Variants in PIGZ observed in about 807,000 individuals in gnomAD.
PIGZ encodes GPI alpha-1,2-mannosyltransferase 4.
PIGZ carries 16 observed loss-of-function variants against 16.4 expected under a neutral mutation model. The observed-to-expected ratio is 0.97, with a 90% CI of 0.66 to 1.48. PIGZ has a LOEUF of 1.48. PIGZ is among the 40% of genes most tolerant of loss of function. The pLI is 0.00. For synonymous variants in PIGZ, 409 were observed against 338.4 expected (o/e 1.21, Z -2.29); for missense variants, 770 against 739.2 (o/e 1.04, Z -0.48).
rs550336627 is a variant in PIGZ at position 196,946,971 on chromosome 3, CAGGG to C, written c.*182_*185del. ...GACCGACAGGTCAAATCTTTGGTCT[CAGGG>C]AGAAGAGTGCCAGCTCACCCAGAAG... On this transcript the variant is annotated 3_prime_UTR_variant, in exon 3 of 3. Coordinates refer to ENST00000412723, the MANE Select transcript of PIGZ (RefSeq NM_025163.4). The C allele has an allele frequency of 1.1e-3, 606 of 542,706 alleles. No individual in the cohort carries two copies. The highest frequency in any genetic ancestry group is 1.6e-3 in the Non-Finnish European group (497 of 314,406). 33.6% of individuals were successfully genotyped at this position (542,706 alleles called of 1,614,324 possible). A position where few individuals can be genotyped will look rare whatever the true frequency, so the allele number is the denominator to read the frequency against.
rs746769876 is a variant in PIGZ at position 196,947,918 on chromosome 3, C to T, written c.979G>A (p.Gly327Arg). 4.5e-5 allele frequency: 73 copies of T among 1,613,858 alleles called. No individual in the cohort carries two copies. The Middle Eastern group carries it at 6.6e-4, about 15-fold the overall frequency. Residue 327 changes from glycine to arginine, a missense_variant, in exon 3 of 3, where the codon GGG (glycine) becomes AGG (arginine). Physicochemically the swap from Gly to Arg is moderately radical, Grantham distance 125. Transcript: ENST00000412723. ...HLAVNGFLLF[G>R]VLHAQALQAA... ...TGCAGGGCCTGGGCATGCAGCACCC[C>T]GAAGAGCAGGAAGCCGTTGACTGCC...
intron 1 of PIGZ, among the ~76,000 whole-genome samples, chr3:196,959,011 G>C (rs1471968043): frequency 6.6e-6 from 1 of 152,230 alleles, no homozygotes. Context: ...CTGAGGGTGA[G>C]TGGGAACGGA....
intron 1 of PIGZ, among the ~76,000 whole-genome samples, chr3:196,964,044 TTTTA>T (rs565540080): frequency 4.0e-5 from 6 of 151,248 alleles, no homozygotes; most frequent in Admixed American, 1.3e-4. Flanking sequence ...TTATTTTTAT[TTTTA>T]TTTATTTATT....
chr3:196,956,815 C>A (rs1717507713), intron 1 of PIGZ, among the ~76,000 whole-genome samples: 1 of 151,992 alleles, frequency 6.6e-6, no homozygotes. Flanking sequence ...TTTTCCACAT[C>A]TGCTTGCTCT....
intron 1 of PIGZ, among the ~76,000 whole-genome samples, chr3:196,966,001 T>C (rs757749742): frequency 6.6e-6 from 1 of 152,170 alleles, no homozygotes; most frequent in Admixed American, 6.5e-5. Context: ...CATTCCTTAC[T>C]GTGGCTGACA....
intron 1 of PIGZ, among the ~76,000 whole-genome samples, chr3:196,967,883 C>T (rs767390662): frequency 6.6e-6 from 1 of 152,234 alleles, no homozygotes; most frequent in Non-Finnish European, 1.5e-5. Flanking sequence ...CCTTGCAGTG[C>T]GCCTCTGCAA....
intron 2 of PIGZ, among the ~76,000 whole-genome samples, chr3:196,949,480 G>A (rs929089307): frequency 3.9e-5 from 6 of 152,164 alleles, no homozygotes; most frequent in African/African-American, 9.7e-5. Context: ...CAAGGAAGCC[G>A]CACCATAGGT....
chr3:196,963,314 A>T (rs904992528), intron 1 of PIGZ, among the ~76,000 whole-genome samples: 1 of 152,208 alleles, frequency 6.6e-6, no homozygotes, highest in Non-Finnish European at 1.5e-5. Context: ...CTCTTGGTAT[A>T]TACGTAAAGT....
At chr3:196,957,227 G>A (rs1434092501) in intron 1 of PIGZ, among the ~76,000 whole-genome samples, 1 of 151,686 alleles carries the variant, frequency 6.6e-6, no homozygotes, top group Non-Finnish European at 1.5e-5. Context: ...TAGGAAGGGG[G>A]ATAGTGCCTG....
chr3:196,964,810 C>T (rs1717862691), intron 1 of PIGZ, among the ~76,000 whole-genome samples: 1 of 152,212 alleles, frequency 6.6e-6, no homozygotes, highest in African/African-American at 2.4e-5. Flanking sequence ...GATCTCAGCT[C>T]ATTGCAACCT....
rs909823028 is a variant in PIGZ, at chr3:196,947,570, C to G, written c.1327G>C (p.Glu443Gln). The change falls in exon 3 of 3, where the codon GAG (glutamate) becomes CAG (glutamine). Residue 443 changes from glutamate (E) to glutamine (Q), a missense_variant. Physicochemically the swap from Glu to Gln is conservative, Grantham distance 29 (BLOSUM62 2). Coordinates refer to ENST00000412723, the MANE Select transcript of PIGZ (RefSeq NM_025163.4). ...AGCACAGGGGCATGGACCACCTGCT[C>G]CAGGTACTCCAGGCCAGGCACCAGG... ...GGLVPGLEYL[E>Q]QVVHAPVLPS... The G allele has an allele frequency of 4.3e-6, 7 of 1,613,718 alleles. No homozygotes were observed. The highest frequency in any genetic ancestry group is 2.2e-5 in the East Asian group (1 of 44,892).
At chr3:196,963,286 G>T (rs1395848881) in intron 1 of PIGZ, among the ~76,000 whole-genome samples, 1 of 152,168 alleles carries the variant, frequency 6.6e-6, no homozygotes, top group Non-Finnish European at 1.5e-5. Context: ...GTTTATTCGT[G>T]GACATATGTC....
chr3:196,947,369 CT>C lies in PIGZ; in HGVS notation c.1527del (p.Val510TrpfsTer13). The C allele has an allele frequency of 1.2e-6, 2 of 1,614,180 alleles. No individual in the cohort carries two copies. Among genetic ancestry groups the C allele is most frequent in the Non-Finnish European group, 1.7e-6 (2 of 1,180,040 alleles). On this transcript the variant is annotated frameshift_variant, in exon 3 of 3. Transcript: ENST00000412723. LOFTEE classifies it high-confidence loss of function. ...LKSFTRQPAC[Q>X]VAGGPWLCRL... The stretch of plus-strand genomic sequence containing the variant: ...CGGCAGAGCCATGGCCCACCAGCCA[CT>C]TGGCAGGCTGGTTGTCTGGTGAAGC...
At chr3:196,953,258 ATC>A (rs1040965317) in intron 1 of PIGZ, among the ~76,000 whole-genome samples, 1 of 152,168 alleles carries the variant, frequency 6.6e-6, no homozygotes, top group Non-Finnish European at 1.5e-5. Flanking sequence ...TACCCAACAA[ATC>A]TGGGTCTTGC....
chr3:196,949,026 C>T lies in PIGZ; in HGVS notation c.212-341G>A, dbSNP rs1426848364. On this transcript the variant is annotated intron_variant, in intron 2 of 2. Transcript: ENST00000412723. ...CTTCTCTTTCCCTCCCCTCCCTTCC[C>T]TTCCTTCCCTTCCTTCCTTCCCTTC... Among the ~76,000 whole-genome samples, 282 of 52,692 alleles carry T rather than the reference C, an allele frequency of 5.4e-3. 54 individuals carry two copies. Among genetic ancestry groups the T allele is most frequent in the African/African-American group, 0.044 (268 of 6,094 alleles). 34.6% of individuals were successfully genotyped at this position (52,692 alleles called of 152,430 possible). A position where few individuals can be genotyped will look rare whatever the true frequency, so the allele number is the denominator to read the frequency against.
At position 196,965,279 on chromosome 3, in the gene PIGZ, C is replaced by T. The variant is rs1717881426; in HGVS notation, c.-1+3408G>A. ...GTCATAGCGGAAGGGGAAGCAGGCA[C>T]CTCTTCACAAGGTGGCAAGAGAGAG... is the stretch of plus-strand genomic sequence containing the variant. On this transcript the variant is annotated intron_variant, in intron 1 of 2. Coordinates refer to ENST00000412723, the MANE Select transcript of PIGZ (RefSeq NM_025163.4). This position sits in a 1 kb window ranked among gnomAD's most constrained non-coding sequence, Gnocchi z 4.2. Among the ~76,000 whole-genome samples the T allele has an allele frequency of 6.6e-6, 1 of 152,152 alleles. No individual in the cohort carries two copies. Among genetic ancestry groups the T allele is most frequent in the Non-Finnish European group, 1.5e-5 (1 of 68,032 alleles).
chr3:196,955,576 CTTTTTTTT>C (rs56983600), intron 1 of PIGZ, among the ~76,000 whole-genome samples: 1 of 42,552 alleles, frequency 2.4e-5, no homozygotes, highest in Non-Finnish European at 4.3e-5. Context: ...TTCTTTCTTT[CTTTTTTTT>C]TTTTTTTTTT....
Position 196,947,221 on chromosome 3 carries a change from AAGG to A in PIGZ, c.1673_1675del (p.Ser558del), listed in dbSNP as rs1339385639. ...GTGGTCCCTCCAAGCCCCACTCAGC[AAGG>A]AGGACAGGGCTGGTGGATCCTCCAG... On this transcript the variant is annotated inframe_deletion, in exon 3 of 3. Coordinates refer to ENST00000412723, the MANE Select transcript of PIGZ (RefSeq NM_025163.4). The A allele has an allele frequency of 1.9e-6, 3 of 1,604,780 alleles. No individual in the cohort carries two copies. The highest frequency in any genetic ancestry group is 2.2e-5 in the East Asian group (1 of 44,830).
Position 196,948,648 on chromosome 3 carries a change from C to A in PIGZ, c.249G>T (p.Glu83Asp), listed in dbSNP as rs1387657193. The A allele has an allele frequency of 4.1e-6, 6 of 1,471,960 alleles. No individual in the cohort carries two copies. Among genetic ancestry groups the A allele is most frequent in the Non-Finnish European group, 4.5e-6 (5 of 1,114,710 alleles). 91.2% of individuals were successfully genotyped at this position (1,471,960 alleles called of 1,614,324 possible). Residue 83 changes from glutamate (E) to aspartate (D), a missense_variant, in exon 3 of 3, where the codon GAG becomes GAT. Transcript: ENST00000412723. Reference sequence around the variant, plus strand: ...AGCGGCAGGAGCTGCTGGGGTAAAACTCCCAGGGCCGCGCGGCCTGAACGC... The same window carrying A: ...AGCGGCAGGAGCTGCTGGGGTAAAAATCCCAGGGCCGCGCGGCCTGAACGC... ...ILGVQAARPW[E>D]FYPSSSCRSV...
Sources: allele counts gnomAD v4.1 joint callset (sites outside exome capture counted in the v4.1 genomes callset), GRCh38; gene constraint gnomAD v4.1.1; non-coding constraint Gnocchi (gnomAD v3.1); transcripts MANE v1.5; gene names NCBI Gene and HGNC (gene_info 2026-07-23, HGNC 2026-07-21).